The following GAS2 variants were observed in gnomAD, a reference collection of about 807,000 sequenced individuals.
GAS2 encodes the protein growth arrest-specific protein 2.
A neutral mutation model predicts 37.5 loss-of-function variants in GAS2; 20 were observed. The observed-to-expected ratio is 0.53, with a 90% CI of 0.37 to 0.77. GAS2 has a LOEUF of 0.77. Among genes scored for constraint, GAS2 ranks in the 30% least tolerant of loss-of-function variants. The probability of loss-of-function intolerance (pLI) is 0.00; values close to 1 mark genes in which losing one functional copy is unlikely to be tolerated. For missense variants in GAS2, 336 were observed against 373.4 expected (o/e 0.90, Z 0.82); for synonymous variants, 144 against 132.2 (o/e 1.09, Z -0.61).
intron 1 of GAS2, among the ~76,000 whole-genome samples, chr11:22,646,123 G>A (rs964803156): frequency 4.6e-5 from 7 of 151,976 alleles, no homozygotes; most frequent in Non-Finnish European, 8.8e-5. Context: ...GATTACAGGC[G>A]TCATTATTTA....
At chr11:22,792,760 G>A (rs1764771343) in intron 7 of GAS2, among the ~76,000 whole-genome samples, 1 of 152,150 alleles carries the variant, frequency 6.6e-6, no homozygotes, top group Admixed American at 6.5e-5. Flanking sequence ...AAGCAAGGGT[G>A]GATAGACATA....
chr11:22,794,735 G>A (rs1418234076), intron 7 of GAS2, among the ~76,000 whole-genome samples: 1 of 152,070 alleles, frequency 6.6e-6, no homozygotes, highest in Non-Finnish European at 1.5e-5. Context: ...TGATGAAAAG[G>A]CCCTTACCAG....
chr11:22,699,012 C>A (rs1053537162), intron 3 of GAS2, among the ~76,000 whole-genome samples: 2 of 152,078 alleles, frequency 1.3e-5, no homozygotes, highest in African/African-American at 2.4e-5. Flanking sequence ...ATAAGGAAAG[C>A]ACCCAAATAA....
At position 22,749,175 on chromosome 11, in the gene GAS2, G is replaced by C; in HGVS notation, c.529G>C (p.Glu177Gln). 6.2e-7 allele frequency: 1 copy of C among 1,612,572 alleles called. No homozygotes were observed. The highest frequency in any genetic ancestry group is 1.7e-4 in the Middle Eastern group (1 of 6,056). The change falls in exon 6 of 8, where the codon GAA becomes CAA. Residue 177 changes from glutamate (E) to glutamine (Q), a missense_variant. Glu to Gln is a conservative substitution (Grantham distance 29). Coordinates refer to ENST00000454584, the MANE Select transcript of GAS2 (RefSeq NM_001143830.3). ...GCTGGAAAAAGAGATTGAACAAGAA[G>C]AAACACTTTCTGCCCCTTCTCCTTC... ...IKLEKEIEQE[E>Q]TLSAPSPSPS...
chr11:22,726,246 C>A, intron 3 of GAS2, 46 bp from the exon 4 acceptor site: 1 of 1,559,612 alleles, frequency 6.4e-7, no homozygotes, highest in Non-Finnish European at 8.7e-7. Flanking sequence ...CATCATTGTG[C>A]TAACTTTGAC....
intron 4 of GAS2, among the ~76,000 whole-genome samples, chr11:22,727,514 G>A (rs1852273040): frequency 6.6e-6 from 1 of 151,968 alleles, no homozygotes. Context: ...TTTGTTCTCA[G>A]AGGAGTTGGC....
chr11:22,693,089 A>G (rs1463312159), intron 3 of GAS2, among the ~76,000 whole-genome samples: 1 of 152,180 alleles, frequency 6.6e-6, no homozygotes, highest in Non-Finnish European at 1.5e-5. Context: ...GCTTTGCAGT[A>G]TCAAATCTCC....
intron 2 of GAS2, among the ~76,000 whole-genome samples, chr11:22,681,733 A>G (rs408197): frequency 0.37 from 55,962 of 152,016 alleles, 11,306 homozygotes; most frequent in African/African-American, 0.55. Context: ...TAACAGAGAT[A>G]TTTACCTTTG....
chr11:22,699,303 T>C (rs1349837802), intron 3 of GAS2, among the ~76,000 whole-genome samples: 4 of 152,166 alleles, frequency 2.6e-5, no homozygotes, highest in Non-Finnish European at 4.4e-5. Flanking sequence ...TTCCTTCAAA[T>C]CTACAAAGGG....
intron 1 of GAS2, among the ~76,000 whole-genome samples, chr11:22,655,447 TA>T (rs955245370): frequency 5.9e-5 from 9 of 151,784 alleles, no homozygotes; most frequent in East Asian, 1.9e-4. Context: ...AAAAACAGTA[TA>T]AAAAAAAGGA....
intron 7 of GAS2, among the ~76,000 whole-genome samples, chr11:22,772,244 A>G (rs1227515368): frequency 1.3e-5 from 2 of 152,068 alleles, no homozygotes; most frequent in Non-Finnish European, 2.9e-5. Context: ...TTTATCACCA[A>G]AGTCGATTGA....
intron 4 of GAS2, 105 bp from the exon 5 acceptor site, chr11:22,737,600 A>G: frequency 1.0e-6 from 1 of 1,002,212 alleles, no homozygotes; most frequent in Non-Finnish European, 1.6e-6. Context: ...TGAAGACTAG[A>G]TCCTTTCCTG....
chr11:22,690,264 T>G (rs778051333), intron 3 of GAS2, among the ~76,000 whole-genome samples: 53 of 152,220 alleles, frequency 3.5e-4, no homozygotes, highest in Non-Finnish European at 6.3e-4. Context: ...ATTTAGATAT[T>G]TCTAAATTTA....
At chr11:22,654,519 C>T (rs893804447) in intron 1 of GAS2, among the ~76,000 whole-genome samples, 15 of 152,006 alleles carry the variant, frequency 9.9e-5, no homozygotes, top group African/African-American at 2.7e-4. Context: ...CCTTAGCCTC[C>T]TGAGAGTTTG....
chr11:22,763,145 T>C (rs1854487577), intron 7 of GAS2, among the ~76,000 whole-genome samples: 1 of 152,232 alleles, frequency 6.6e-6, no homozygotes, highest in African/African-American at 2.4e-5. Context: ...ACCTCCTTTG[T>C]ACTACTTTTA....
intron 1 of GAS2, among the ~76,000 whole-genome samples, chr11:22,647,696 T>C (rs1848718566): frequency 6.6e-6 from 1 of 152,224 alleles, no homozygotes; most frequent in Non-Finnish European, 1.5e-5. Flanking sequence ...TTTTTTCATG[T>C]GTTTCTTGGC....
intron 4 of GAS2, among the ~76,000 whole-genome samples, chr11:22,729,619 A>C (rs1852379941): frequency 6.6e-6 from 1 of 151,780 alleles, no homozygotes; most frequent in Non-Finnish European, 1.5e-5. Context: ...ACCATAGAAA[A>C]GTGGAGATGA....
At chr11:22,698,409 G>C (rs1239077787) in intron 3 of GAS2, among the ~76,000 whole-genome samples, 1 of 151,976 alleles carries the variant, frequency 6.6e-6, no homozygotes, top group Non-Finnish European at 1.5e-5. Context: ...TCCAGGACCA[G>C]ATGGATTCAC....
chr11:22,678,786 C>T (rs1027186218), intron 2 of GAS2, among the ~76,000 whole-genome samples: 3 of 151,618 alleles, frequency 2.0e-5, no homozygotes, highest in Admixed American at 6.6e-5. Context: ...AAAAATGATT[C>T]GATAGAGAAG....
Sources: allele counts gnomAD v4.1 joint callset (sites outside exome capture counted in the v4.1 genomes callset), GRCh38; gene constraint gnomAD v4.1.1; transcripts MANE v1.5; gene names NCBI Gene and HGNC (gene_info 2026-07-23, HGNC 2026-07-21).